SNAP29: variants seen among roughly 807,000 people sequenced by gnomAD.
SNAP29 encodes synaptosomal-associated protein 29.
Under a neutral mutation model 27.9 loss-of-function variants are expected in SNAP29, and 13 were observed. The observed-to-expected ratio is 0.47, with a 90% CI of 0.30 to 0.74. SNAP29 has a LOEUF of 0.74. Among genes scored for constraint, SNAP29 ranks in the 30% least tolerant of loss-of-function variants. The pLI, the probability that SNAP29 is intolerant of heterozygous loss-of-function variation, is 0.06. For synonymous variants in SNAP29, 119 were observed against 127.1 expected, an observed-to-expected ratio of 0.94 and a Z score of 0.43; for missense variants, 368 against 336.5, an observed-to-expected ratio of 1.09 and a Z score of -0.73.
intron 4 of SNAP29, 136 bp from the exon 5 acceptor site, chr22:20,887,543 A>T: frequency 2.3e-6 from 2 of 886,654 alleles, no homozygotes; most frequent in Admixed American, 1.7e-5. Flanking sequence ...TTAAGTCAAG[A>T]CTCATCTCTG....
At chr22:20,865,972 G>C (rs1397317842) in intron 1 of SNAP29, among the ~76,000 whole-genome samples, 1 of 152,198 alleles carries the variant, frequency 6.6e-6, no homozygotes, top group Non-Finnish European at 1.5e-5. Flanking sequence ...ATAACGTGTA[G>C]CCCAAGGCCA....
At chr22:20,881,563 C>T (rs1442256529) in intron 3 of SNAP29, among the ~76,000 whole-genome samples, 1 of 152,172 alleles carries the variant, frequency 6.6e-6, no homozygotes, top group Non-Finnish European at 1.5e-5. Flanking sequence ...AAAAATTAGC[C>T]AAATGTGGTG....
intron 2 of SNAP29, among the ~76,000 whole-genome samples, chr22:20,874,328 ACACACACACACGAAAATTAGC>A (rs1928679617): frequency 1.4e-5 from 2 of 146,894 alleles, no homozygotes; most frequent in South Asian, 2.2e-4. Flanking sequence ...ACACACACAC[ACACACACACACGAAAATTAGC>A]CACACACACA....
chr22:20,863,077 T>A (rs976484866), intron 1 of SNAP29, among the ~76,000 whole-genome samples: 2 of 152,192 alleles, frequency 1.3e-5, no homozygotes, highest in African/African-American at 4.8e-5. Context: ...TTGGTGGAGA[T>A]GGGCTTTCGC....
chr22:20,882,658 G>A (rs372054012), intron 3 of SNAP29, among the ~76,000 whole-genome samples: 5 of 152,142 alleles, frequency 3.3e-5, no homozygotes, highest in Admixed American at 6.6e-5. Context: ...TGGGAAAACC[G>A]GCCTCATCAC....
chr22:20,887,236 A>C (rs1403265838), intron 4 of SNAP29, among the ~76,000 whole-genome samples: 2 of 151,906 alleles, frequency 1.3e-5, no homozygotes, highest in South Asian at 2.1e-4. Flanking sequence ...AAAAAAAAAA[A>C]AACAAAAAAC....
chr22:20,863,086 G>A (rs1325500232), intron 1 of SNAP29, among the ~76,000 whole-genome samples: 3 of 152,134 alleles, frequency 2.0e-5, no homozygotes, highest in Admixed American at 6.5e-5. Context: ...ATGGGCTTTC[G>A]CCATGTTACC....
intron 1 of SNAP29, among the ~76,000 whole-genome samples, chr22:20,869,724 C>T (rs1928539884): frequency 6.6e-6 from 1 of 152,170 alleles, no homozygotes; most frequent in Non-Finnish European, 1.5e-5. Context: ...AATCTGCTTC[C>T]AGTTCAGGCC....
At chr22:20,875,295 A>G (rs1165475031) in intron 2 of SNAP29, among the ~76,000 whole-genome samples, 1 of 152,124 alleles carries the variant, frequency 6.6e-6, no homozygotes, top group African/African-American at 2.4e-5. Flanking sequence ...CCCCAAAGTC[A>G]TGTACCCTGC....
intron 1 of SNAP29, among the ~76,000 whole-genome samples, chr22:20,859,996 T>C (rs1219606988): frequency 6.6e-6 from 1 of 152,168 alleles, no homozygotes; most frequent in Non-Finnish European, 1.5e-5. Flanking sequence ...AAGAGTTTGT[T>C]GCTCCAACTC....
intron 1 of SNAP29, among the ~76,000 whole-genome samples, chr22:20,860,365 CTTTTTCTT>C (rs1267980428): frequency 1.3e-4 from 13 of 103,062 alleles, no homozygotes; most frequent in Non-Finnish European, 1.7e-4. Context: ...GGGTCTTTTT[CTTTTTCTT>C]TTTTTTTTTT....
chr22:20,871,711 T>A (rs1254316271), intron 2 of SNAP29, among the ~76,000 whole-genome samples: 1 of 151,976 alleles, frequency 6.6e-6, no homozygotes, highest in Admixed American at 6.6e-5. Flanking sequence ...TGAAACCCTG[T>A]CTCTATTAAA....
intron 2 of SNAP29, among the ~76,000 whole-genome samples, chr22:20,873,998 G>A (rs527461784): frequency 5.2e-4 from 75 of 142,938 alleles, no homozygotes; most frequent in African/African-American, 6.4e-4. Flanking sequence ...AAAAAAGGCC[G>A]GGCATGGTGA....
chr22:20,876,064 G>C (rs1928736845), intron 2 of SNAP29, among the ~76,000 whole-genome samples: 1 of 151,608 alleles, frequency 6.6e-6, no homozygotes, highest in Admixed American at 6.6e-5. Flanking sequence ...GGGAGGCTGA[G>C]GCAGGAGAAT....
chr22:20,860,760 A>C (rs1034002145), intron 1 of SNAP29, among the ~76,000 whole-genome samples: 24 of 152,212 alleles, frequency 1.6e-4, no homozygotes, highest in Non-Finnish European at 3.2e-4. Context: ...GGTTTAAAAA[A>C]ATGTATAAGC....
chr22:20,881,145 A>G lies in SNAP29; in HGVS notation c.520+11A>G. On this transcript the variant is annotated intron_variant, in intron 3 of 4. Coordinates refer to ENST00000215730, the MANE Select transcript of SNAP29 (RefSeq NM_004782.4). ...AGCTGGATGATACAGGTAAGTGGATACCTGTGTGCACAGCCACATTTGAAT... is the reference window on the plus strand; with the variant it reads ...AGCTGGATGATACAGGTAAGTGGATGCCTGTGTGCACAGCCACATTTGAAT... The G allele has an allele frequency of 6.4e-7, 1 of 1,561,598 alleles. No individual in the cohort carries two copies. Among genetic ancestry groups the G allele is most frequent in the South Asian group, 1.1e-5 (1 of 89,946 alleles).
chr22:20,860,371 CTTTTTTTTT>C (rs361726), intron 1 of SNAP29, among the ~76,000 whole-genome samples: 1 of 133,914 alleles, frequency 7.5e-6, no homozygotes, highest in Non-Finnish European at 1.6e-5. Context: ...TTTTCTTTTT[CTTTTTTTTT>C]TTTTTTTGAG....
intron 2 of SNAP29, among the ~76,000 whole-genome samples, chr22:20,878,106 G>C (rs563701993): frequency 6.6e-6 from 1 of 152,368 alleles, no homozygotes; most frequent in South Asian, 2.1e-4. Context: ...GCTCTTGCAA[G>C]TTGGGAGTCA....
chr22:20,882,262 C>T (rs1207936883), intron 3 of SNAP29, among the ~76,000 whole-genome samples: 2 of 151,476 alleles, frequency 1.3e-5, no homozygotes, highest in African/African-American at 4.9e-5. Flanking sequence ...GGGACTAATA[C>T]AGCCTCCAGC....
Sources: allele counts gnomAD v4.1 joint callset (sites outside exome capture counted in the v4.1 genomes callset), GRCh38; gene constraint gnomAD v4.1.1; transcripts MANE v1.5; gene names NCBI Gene and HGNC (gene_info 2026-07-23, HGNC 2026-07-21).